HDAC9: variants seen among roughly 807,000 people sequenced by gnomAD.
The protein encoded by HDAC9 is MEF-2 interacting transcription repressor (MITR) protein.
Under a neutral mutation model 139.4 loss-of-function variants are expected in HDAC9, and 41 were observed. That is an observed-to-expected ratio of 0.29 (90% confidence interval 0.23 to 0.38). The LOEUF (loss-of-function observed/expected upper bound fraction) is 0.38. HDAC9 is among the 10% of genes least tolerant of loss of function. The probability of loss-of-function intolerance (pLI) is 1.00; values close to 1 mark genes in which losing one functional copy is unlikely to be tolerated. For synonymous variants in HDAC9, 517 were observed against 476.2 expected, an observed-to-expected ratio of 1.09 and a Z score of -1.12; for missense variants, 1,147 against 1,297.0, an observed-to-expected ratio of 0.88 and a Z score of 1.78.
intron 2 of HDAC9, among the ~76,000 whole-genome samples, chr7:18,243,588 C>T (rs1481368199): frequency 2.0e-5 from 3 of 152,190 alleles, no homozygotes; most frequent in African/African-American, 7.2e-5. Flanking sequence ...GAAGTGTTTC[C>T]CTTAAATAAT....
chr7:18,856,947 G>C (rs1187534265), intron 21 of HDAC9, among the ~76,000 whole-genome samples: 1 of 152,104 alleles, frequency 6.6e-6, no homozygotes, highest in African/African-American at 2.4e-5. Flanking sequence ...AAAGTGCCTT[G>C]AAGGAAATCA....
chr7:18,114,326 T>G (rs185008092), intron 1 of HDAC9, among the ~76,000 whole-genome samples: 173 of 152,326 alleles, frequency 1.1e-3, no homozygotes, highest in Non-Finnish European at 1.9e-3. Flanking sequence ...CAATAGAGTT[T>G]GGGAATGTGA....
chr7:18,774,033 G>C (rs1369308451), intron 16 of HDAC9, among the ~76,000 whole-genome samples: 1 of 151,796 alleles, frequency 6.6e-6, no homozygotes, highest in Non-Finnish European at 1.5e-5. Context: ...TTAGCTCACT[G>C]AATGCTTGAG....
intron 17 of HDAC9, among the ~76,000 whole-genome samples, chr7:18,827,739 A>G (rs1047949563): frequency 3.3e-5 from 5 of 152,126 alleles, no homozygotes; most frequent in East Asian, 3.8e-4. Context: ...TTACATGCTA[A>G]TTATATTCTT....
chr7:18,568,020 G>GTATATATATATATA (rs1298781990), intron 2 of HDAC9, among the ~76,000 whole-genome samples: 2 of 48,848 alleles, frequency 4.1e-5, no homozygotes, highest in African/African-American at 1.2e-4. Context: ...CAGGATATAT[G>GTATATATATATATA]TATATGTATA....
intron 11 of HDAC9, among the ~76,000 whole-genome samples, chr7:18,654,249 A>G (rs1327876951): frequency 6.6e-6 from 1 of 152,158 alleles, no homozygotes; most frequent in Non-Finnish European, 1.5e-5. Context: ...GTTAAGTATA[A>G]TTACACAAGG....
intron 1 of HDAC9, among the ~76,000 whole-genome samples, chr7:18,391,333 C>T (rs918298704): frequency 2.6e-5 from 4 of 151,872 alleles, no homozygotes; most frequent in Non-Finnish European, 4.4e-5. Context: ...TGCAGTGAGC[C>T]GCTATCGTGC....
At position 18,509,492 on chromosome 7, in the gene HDAC9, T is replaced by A. The variant is rs546412793; in HGVS notation, c.22+13168T>A. The A allele has an allele frequency of 3.1e-6, 3 of 968,566 alleles. No individual in the cohort carries two copies. The South Asian group carries it at 1.4e-4, about 46-fold the overall frequency. 60.0% of individuals were successfully genotyped at this position (968,566 alleles called of 1,614,324 possible). A position where few individuals can be genotyped will look rare whatever the true frequency, so the allele number is the denominator to read the frequency against. ...TCCCCCGAGTGATTATCTCATTCAA[T>A]CAGTATTTATTGAGTCCTTGAAAGC... On this transcript the variant is annotated intron_variant, in intron 2 of 25. Transcript: ENST00000686413.
chr7:18,282,178 A>G (rs2128220429), intron 2 of HDAC9, among the ~76,000 whole-genome samples: 1 of 152,340 alleles, frequency 6.6e-6, no homozygotes, highest in African/African-American at 2.4e-5. Context: ...GCTAGTAGTT[A>G]CAGTAATTGT....
intron 1 of HDAC9, among the ~76,000 whole-genome samples, chr7:18,345,970 A>C (rs1288770450): frequency 6.6e-6 from 1 of 152,082 alleles, no homozygotes; most frequent in East Asian, 1.9e-4. Flanking sequence ...AAACGACATG[A>C]GTTTAAAGGT....
intron 12 of HDAC9, among the ~76,000 whole-genome samples, chr7:18,696,233 T>C (rs1005919980): frequency 1.3e-5 from 2 of 151,648 alleles, no homozygotes; most frequent in African/African-American, 4.8e-5. Context: ...ATCACTGAAA[T>C]AGATTGGCTG....
At chr7:18,649,226 C>T (rs777294573) in intron 11 of HDAC9, among the ~76,000 whole-genome samples, 14 of 152,086 alleles carry the variant, frequency 9.2e-5, no homozygotes, top group African/African-American at 1.7e-4. Context: ...AAATAGACAG[C>T]GGATGTCTGT....
chr7:18,481,371 G>T (rs1795535844), intron 1 of HDAC9, among the ~76,000 whole-genome samples: 1 of 152,102 alleles, frequency 6.6e-6, no homozygotes, highest in South Asian at 2.1e-4. Context: ...CTGCATACGT[G>T]TACTGTTACA....
At chr7:18,611,025 C>A (rs982680628) in intron 6 of HDAC9, among the ~76,000 whole-genome samples, 1 of 152,026 alleles carries the variant, frequency 6.6e-6, no homozygotes, top group African/African-American at 2.4e-5. Flanking sequence ...ATGTGAAATC[C>A]TTCGTTTTTT....
intron 21 of HDAC9, among the ~76,000 whole-genome samples, chr7:18,839,681 C>T (rs570915500): frequency 2.0e-5 from 3 of 152,020 alleles, no homozygotes; most frequent in African/African-American, 7.2e-5. Context: ...GAACTCTGAA[C>T]ATCTATTCAT....
chr7:18,965,905 G>A (rs929057624), intron 24 of HDAC9, among the ~76,000 whole-genome samples: 1 of 152,162 alleles, frequency 6.6e-6, no homozygotes, highest in Non-Finnish European at 1.5e-5. Flanking sequence ...TGTGGATGAG[G>A]CCCTGACAGT....
chr7:18,215,845 C>G (rs1001451469), intron 2 of HDAC9, among the ~76,000 whole-genome samples: 3 of 152,018 alleles, frequency 2.0e-5, no homozygotes, highest in African/African-American at 7.2e-5. Flanking sequence ...TGGCATATTC[C>G]AAGCTGTTTT....
At chr7:18,670,419 C>G (rs190557079) in intron 12 of HDAC9, among the ~76,000 whole-genome samples, 1 of 152,016 alleles carries the variant, frequency 6.6e-6, no homozygotes, top group Non-Finnish European at 1.5e-5. Flanking sequence ...ATAATAACAT[C>G]TTTGAGGCTA....
chr7:18,973,389 A>C (rs912256041), intron 24 of HDAC9, among the ~76,000 whole-genome samples: 3 of 152,208 alleles, frequency 2.0e-5, no homozygotes, highest in African/African-American at 7.2e-5. Context: ...ACGTTTAATA[A>C]TAATATTTTA....
Sources: gnomAD v4.1 joint callset for allele counts (sites outside exome capture counted in the v4.1 genomes callset) on GRCh38, gnomAD v4.1.1 for gene constraint, MANE v1.5 for transcripts, NCBI Gene and HGNC (gene_info 2026-07-23, HGNC 2026-07-21) for gene names.